Variants in ATRNL1 observed in about 807,000 individuals in gnomAD.
The protein encoded by ATRNL1 is attractin-like protein 1.
A neutral mutation model predicts 182.7 loss-of-function variants in ATRNL1; 95 were observed. The ratio of observed to expected loss-of-function variants is 0.52; its 90% confidence interval spans 0.44 to 0.62. The LOEUF is 0.62. Ranked by LOEUF, ATRNL1 falls within the 20% of genes least tolerant of loss-of-function variation. The pLI is 0.00. For synonymous variants in ATRNL1, 576 were observed against 568.3 expected, an observed-to-expected ratio of 1.01 and a Z score of -0.19; for missense variants, 1,471 against 1,679.5, an observed-to-expected ratio of 0.88 and a Z score of 2.17.
chr10:115,555,467 A>G (rs1397492272), intron 26 of ATRNL1, among the ~76,000 whole-genome samples: 1 of 151,930 alleles, frequency 6.6e-6, no homozygotes, highest in Non-Finnish European at 1.5e-5. Flanking sequence ...GATTCGAGAA[A>G]GAAATTCTGT....
intron 28 of ATRNL1, among the ~76,000 whole-genome samples, chr10:115,923,408 C>T (rs781940377): frequency 2.2e-4 from 33 of 152,238 alleles, no homozygotes; most frequent in Non-Finnish European, 7.4e-5. Context: ...CCTCCCTTCG[C>T]GCCCAACCCC....
intron 5 of ATRNL1, 149 bp downstream of exon 5, chr10:115,129,684 ACTT>A (rs1234516073): frequency 3.4e-5 from 21 of 609,846 alleles, no homozygotes; most frequent in African/African-American, 3.3e-4. Flanking sequence ...TTAATAATCA[ACTT>A]CTTAATAATT....
intron 24 of ATRNL1, among the ~76,000 whole-genome samples, chr10:115,517,666 G>A (rs1389556538): frequency 6.6e-6 from 1 of 151,588 alleles, no homozygotes; most frequent in Non-Finnish European, 1.5e-5. Flanking sequence ...TATCAACATT[G>A]CGTAAGGTTT....
At chr10:115,831,881 C>A (rs1278632523) in intron 27 of ATRNL1, among the ~76,000 whole-genome samples, 2 of 151,840 alleles carry the variant, frequency 1.3e-5, no homozygotes, top group Non-Finnish European at 2.9e-5. Flanking sequence ...CTATAGCTAC[C>A]TGCTATTAAC....
intron 24 of ATRNL1, among the ~76,000 whole-genome samples, chr10:115,515,813 T>A (rs1037217107): frequency 2.0e-5 from 3 of 151,928 alleles, no homozygotes; most frequent in African/African-American, 4.8e-5. Flanking sequence ...TGTTGTCAAA[T>A]CCAGTAGCCA....
intron 28 of ATRNL1, among the ~76,000 whole-genome samples, chr10:115,906,364 G>A (rs17093758): frequency 0.051 from 7,720 of 152,104 alleles, 615 homozygotes; most frequent in African/African-American, 0.17. Context: ...TTAGACTCAG[G>A]TAACTATTTT....
chr10:115,845,622 A>G (rs1247882524), intron 27 of ATRNL1, among the ~76,000 whole-genome samples: 2 of 152,046 alleles, frequency 1.3e-5, no homozygotes, highest in Non-Finnish European at 2.9e-5. Flanking sequence ...GTTTTTCTCA[A>G]TCTCCTAAAC....
intron 24 of ATRNL1, among the ~76,000 whole-genome samples, chr10:115,511,598 A>G (rs1850390154): frequency 6.6e-6 from 1 of 151,892 alleles, no homozygotes; most frequent in African/African-American, 2.4e-5. Context: ...TATCTTTCAT[A>G]AAATAAGAAA....
chr10:115,166,634 G>T (rs1847057335), intron 7 of ATRNL1, among the ~76,000 whole-genome samples: 1 of 151,720 alleles, frequency 6.6e-6, no homozygotes, highest in African/African-American at 2.4e-5. Context: ...ATTTTGATTT[G>T]CATTTCTCTA....
intron 21 of ATRNL1, among the ~76,000 whole-genome samples, chr10:115,453,743 A>T (rs1478068154): frequency 2.7e-5 from 4 of 148,234 alleles, no homozygotes; most frequent in African/African-American, 7.4e-5. Flanking sequence ...TGGGAATTGA[A>T]CAATGAGAAC....
chr10:115,871,469 TTGTG>T (rs59295682), intron 28 of ATRNL1, among the ~76,000 whole-genome samples: 6,858 of 140,128 alleles, frequency 0.049, 259 homozygotes, highest in Middle Eastern at 0.055. Flanking sequence ...GTCAGATTCT[TTGTG>T]TGTGTGTATA....
chr10:115,885,742 G>T (rs1161769550), intron 28 of ATRNL1, among the ~76,000 whole-genome samples: 2 of 152,130 alleles, frequency 1.3e-5, no homozygotes, highest in Non-Finnish European at 2.9e-5. Flanking sequence ...GCGGTATATT[G>T]TGAACATTCC....
chr10:115,896,464 G>A (rs1461884041), intron 28 of ATRNL1, among the ~76,000 whole-genome samples: 4 of 152,118 alleles, frequency 2.6e-5, no homozygotes, highest in Non-Finnish European at 5.9e-5. Flanking sequence ...GCAGTAAAAG[G>A]ATGCCTTGAA....
chr10:115,554,968 TA>T (rs1295529025), intron 26 of ATRNL1, among the ~76,000 whole-genome samples: 7 of 151,950 alleles, frequency 4.6e-5, no homozygotes, highest in African/African-American at 1.7e-4. Context: ...CACAAAATCT[TA>T]TCTGTATTAT....
chr10:115,947,378 T>G lies in ATRNL1; in HGVS notation c.*2599T>G, dbSNP rs564355404. ...CTAAACATTTCAGTTTAGAATGACT[T>G]TGAAAAATTCCTTAGATTTTTAGGA... On this transcript the variant is annotated 3_prime_UTR_variant, in exon 29 of 29. Transcript: ENST00000355044. 1 of 152,642 alleles carries G rather than the reference T, an allele frequency of 6.6e-6. No individual in the cohort carries two copies. Among genetic ancestry groups the G allele is most frequent in the Non-Finnish European group, 1.5e-5 (1 of 68,056 alleles). The allele number at this position is 152,642 out of a possible 1,614,324, so 9.5% of individuals were successfully genotyped here.
intron 26 of ATRNL1, among the ~76,000 whole-genome samples, chr10:115,641,353 A>G (rs1859234332): frequency 1.3e-5 from 2 of 152,254 alleles, no homozygotes; most frequent in East Asian, 1.9e-4. Context: ...AGGAGCTACC[A>G]TTTACTTGTT....
chr10:115,290,622 C>T (rs751378827), intron 15 of ATRNL1, among the ~76,000 whole-genome samples: 1 of 152,112 alleles, frequency 6.6e-6, no homozygotes, highest in African/African-American at 2.4e-5. Context: ...TGCCATTGCA[C>T]CCCAGCCTGG....
Position 115,848,929 on chromosome 10 carries a change from C to T in ATRNL1, c.4018+938C>T, listed in dbSNP as rs147792533. ...CTCAATAACAGTAATTGATGATGAA[C>T]CGGCCTCCTTGCTTATTTTATCTTT... On this transcript the variant is annotated intron_variant, in intron 28 of 28. Transcript: ENST00000355044. Among the ~76,000 whole-genome samples, 85 of 152,304 alleles carry T rather than the reference C, an allele frequency of 5.6e-4. 2 individuals are homozygous for T. In the East Asian group the frequency reaches 0.016, roughly 29 times the overall value.
At chr10:115,566,471 G>A (rs1419060524) in intron 26 of ATRNL1, among the ~76,000 whole-genome samples, 2 of 151,938 alleles carry the variant, frequency 1.3e-5, no homozygotes, top group East Asian at 3.9e-4. Context: ...TTTTATCTTA[G>A]GTTATTGATA....
Sources: gnomAD v4.1 joint callset for allele counts (sites outside exome capture counted in the v4.1 genomes callset) on GRCh38, gnomAD v4.1.1 for gene constraint, MANE v1.5 for transcripts, NCBI Gene and HGNC (gene_info 2026-07-23, HGNC 2026-07-21) for gene names.